DMD: variants seen among roughly 807,000 people sequenced by gnomAD.
The protein encoded by DMD is dystrophin.
DMD carries 63 observed loss-of-function variants against 330.1 expected under a neutral mutation model. The ratio of observed to expected loss-of-function variants is 0.19; its 90% CI spans 0.16 to 0.24. The LOEUF is 0.24. Among genes scored for constraint, DMD ranks in the 10% least tolerant of loss-of-function variants. The pLI, the probability that DMD is intolerant of heterozygous loss-of-function variation, is 1.00. For missense variants in DMD, 3,344 were observed against 2,684.1 expected, an observed-to-expected ratio of 1.25 and a Z score of -5.43; for synonymous variants, 1,223 against 959.8, an observed-to-expected ratio of 1.27 and a Z score of -5.07.
rs186820649 is a variant in DMD at position 32,894,990 on chromosome X, C to G, written c.94-45170G>C. ...GGCTTTAAGTCCGAGGTCAGTGTTC[C>G]AGCGTGTTCAAGTTCTGGAGAGGGC... On this transcript the variant is annotated intron_variant, in intron 2 of 78. Transcript: ENST00000357033. Among the ~76,000 whole-genome samples the G allele has an allele frequency of 7.1e-5, 8 of 111,983 alleles. No homozygotes were observed. In the East Asian group the frequency reaches 2.3e-3, roughly 32 times the overall value.
intron 11 of DMD, among the ~76,000 whole-genome samples, chrX:32,615,427 C>A (rs1052148143): frequency 9.0e-6 from 1 of 111,209 alleles, no homozygotes; most frequent in Non-Finnish European, 1.9e-5. Flanking sequence ...AATTACACAA[C>A]TTTATGTTGA....
intron 63 of DMD, among the ~76,000 whole-genome samples, chrX:31,252,751 C>T (rs1163823516): frequency 6.2e-5 from 7 of 112,326 alleles, no homozygotes; most frequent in Non-Finnish European, 1.3e-4. Context: ...CGGTGGCTCA[C>T]GCCTGTAATC....
At chrX:32,230,511 C>T (rs1016449861) in intron 43 of DMD, among the ~76,000 whole-genome samples, 2 of 112,159 alleles carry the variant, frequency 1.8e-5, no homozygotes, top group African/African-American at 6.5e-5. Context: ...TCCCAAAGTG[C>T]TGGGATTACA....
At chrX:31,853,238 A>G (rs747384490) in intron 48 of DMD, among the ~76,000 whole-genome samples, 1 of 112,968 alleles carries the variant, frequency 8.9e-6, no homozygotes, top group Non-Finnish European at 1.9e-5. Context: ...ATAAAACACC[A>G]TATAGTAAAT....
chrX:31,429,419 C>T lies in DMD; in HGVS notation c.9084+15062G>A, dbSNP rs142338890. ...TTTTTCACTTGTACATCTGGCTCCTCACTTGGGATGGCTGCGGATCTTCGG... is the reference window on the plus strand; with the variant it reads ...TTTTTCACTTGTACATCTGGCTCCTTACTTGGGATGGCTGCGGATCTTCGG... On this transcript the variant is annotated intron_variant, in intron 60 of 78. Coordinates refer to ENST00000357033, the MANE Select transcript of DMD (RefSeq NM_004006.3). Among the ~76,000 whole-genome samples the T allele has an allele frequency of 2.5e-3, 281 of 111,602 alleles. 3 individuals carry two copies. The highest frequency in any genetic ancestry group is 8.7e-3 in the African/African-American group (268 of 30,722).
chrX:31,249,807 A>G (rs1326462708), intron 63 of DMD, among the ~76,000 whole-genome samples: 1 of 111,038 alleles, frequency 9.0e-6, no homozygotes, highest in Non-Finnish European at 1.9e-5. Context: ...ATAAGGAGAG[A>G]CACTGGTATA....
intron 76 of DMD, among the ~76,000 whole-genome samples, chrX:31,134,933 A>G (rs1371318191): frequency 8.9e-6 from 1 of 111,818 alleles, no homozygotes; most frequent in African/African-American, 3.3e-5. Flanking sequence ...CATGCCTGTA[A>G]TCCCAGCCCT....
chrX:31,930,202 G>A (rs185597421), intron 46 of DMD, among the ~76,000 whole-genome samples: 7 of 110,378 alleles, frequency 6.3e-5, no homozygotes, highest in East Asian at 2.9e-4. Flanking sequence ...ACAGTGCCAG[G>A]CACTGTGCTA....
At chrX:32,565,998 G>A (rs1278496232) in intron 15 of DMD, 117 bp from the exon 16 acceptor site, 12 of 646,389 alleles carry the variant, frequency 1.9e-5, no homozygotes, top group Admixed American at 2.8e-5. Flanking sequence ...TATTTCAATC[G>A]TGCCCGCAAA....
At chrX:31,759,435 T>C (rs1205320679) in intron 51 of DMD, among the ~76,000 whole-genome samples, 1 of 111,894 alleles carries the variant, frequency 8.9e-6, no homozygotes, top group Non-Finnish European at 1.9e-5. Flanking sequence ...TGAATATGTA[T>C]GTTCATTTCT....
chrX:32,470,462 T>C (rs1373766813), intron 22 of DMD, among the ~76,000 whole-genome samples: 1 of 112,001 alleles, frequency 8.9e-6, no homozygotes, highest in Admixed American at 9.6e-5. Flanking sequence ...TATCTTTTTT[T>C]TTAGTTAGTT....
At chrX:32,077,346 T>A (rs1348736062) in intron 44 of DMD, among the ~76,000 whole-genome samples, 1 of 111,246 alleles carries the variant, frequency 9.0e-6, no homozygotes, top group Non-Finnish European at 1.9e-5. Flanking sequence ...TGAGTAGGTG[T>A]ATTTCAACTA....
intron 53 of DMD, among the ~76,000 whole-genome samples, chrX:31,669,405 T>C (rs1296583953): frequency 8.9e-6 from 1 of 112,275 alleles, no homozygotes; most frequent in Non-Finnish European, 1.9e-5. Flanking sequence ...TATTTGTACA[T>C]CTTCTTTTGA....
chrX:32,416,650 C>A (rs2098167144), intron 29 of DMD, among the ~76,000 whole-genome samples: 1 of 111,816 alleles, frequency 8.9e-6, no homozygotes, highest in Non-Finnish European at 1.9e-5. Flanking sequence ...CTGTCCGTAC[C>A]TTGCAGAAAG....
At chrX:33,045,868 G>A (rs762797905) in intron 1 of DMD, among the ~76,000 whole-genome samples, 3 of 111,405 alleles carry the variant, frequency 2.7e-5, no homozygotes, top group Non-Finnish European at 3.8e-5. Flanking sequence ...AACATGTGTC[G>A]GTGCTTGAGA....
At chrX:32,289,492 C>A (rs1374174348) in intron 42 of DMD, among the ~76,000 whole-genome samples, 1 of 110,724 alleles carries the variant, frequency 9.0e-6, no homozygotes, top group African/African-American at 3.3e-5. Context: ...ACCTACTGGG[C>A]TGCATTCCCA....
chrX:33,120,944 G>T (rs1467501090), intron 1 of DMD, among the ~76,000 whole-genome samples: 1 of 106,551 alleles, frequency 9.4e-6, no homozygotes, highest in Non-Finnish European at 1.9e-5. Flanking sequence ...CTATATACTG[G>T]ATCTTATAAA....
intron 64 of DMD, among the ~76,000 whole-genome samples, chrX:31,214,937 C>CTTTTTTTTTTTTTTTTTTTT (rs761569710): frequency 7.9e-5 from 3 of 38,101 alleles, no homozygotes; most frequent in African/African-American, 3.5e-4. Context: ...TTTCTTTTTT[C>CTTTTTTTTTTTTTTTTTTTT]TTTTTTTTTT....
Position 31,397,850 on chromosome X carries a change from C to T in DMD, c.9084+46631G>A, listed in dbSNP as rs190032355. ...CATAATGCAAAGTTTCCTTCTCTCA[C>T]TTTGAGCTCAGTGAATCTGGGATTT... On this transcript the variant is annotated intron_variant, in intron 60 of 78. Coordinates refer to ENST00000357033, the MANE Select transcript of DMD (RefSeq NM_004006.3). Among the ~76,000 whole-genome samples, 40 of 112,353 alleles carry T rather than the reference C, an allele frequency of 3.6e-4. No homozygotes were observed. The East Asian group carries it at 0.01, about 28-fold the overall frequency.
Sources: allele counts gnomAD v4.1 joint callset (sites outside exome capture counted in the v4.1 genomes callset), GRCh38; gene constraint gnomAD v4.1.1; transcripts MANE v1.5; gene names NCBI Gene and HGNC (gene_info 2026-07-23, HGNC 2026-07-21).